The following TTC6 variants were observed in gnomAD, a reference collection of about 807,000 sequenced individuals.
TTC6 encodes tetratricopeptide repeat protein 6.
TTC6 carries 172 observed loss-of-function variants against 210.4 expected under a neutral mutation model. The observed-to-expected ratio is 0.82, with a 90% CI of 0.72 to 0.93. TTC6 has a LOEUF of 0.93. Ranked by LOEUF, TTC6 falls within the 40% of genes least tolerant of loss-of-function variation. TTC6 has a pLI of 0.00. For missense variants in TTC6, 2,414 were observed against 2,318.1 expected, an observed-to-expected ratio of 1.04 and a Z score of -0.85; for synonymous variants, 804 against 819.6, an observed-to-expected ratio of 0.98 and a Z score of 0.32.
At chr14:37,841,500 T>A (rs777817438) in exon 30 of TTC6, 59 of 1,597,802 alleles carry the variant, frequency 3.7e-5, no homozygotes, top group Middle Eastern at 3.3e-4. Flanking sequence ...GAATATGTTC[T>A]CATGAATCGA....
At chr14:37,670,445 TTCCTAAGGA>T (rs1291918178) in intron 1 of TTC6, among the ~76,000 whole-genome samples, 1 of 151,680 alleles carries the variant, frequency 6.6e-6, no homozygotes, top group African/African-American at 2.4e-5. Flanking sequence ...CTTTGCATTT[TTCCTAAGGA>T]TCTAGCACAA....
intron 1 of TTC6, among the ~76,000 whole-genome samples, chr14:37,649,559 A>G (rs1279774246): frequency 6.6e-6 from 1 of 152,166 alleles, no homozygotes; most frequent in Non-Finnish European, 1.5e-5. Context: ...TATTCTTTGT[A>G]TTCCACCTGG....
chr14:37,617,989 C>A (rs892434203), upstream of TTC6, among the ~76,000 whole-genome samples: 1 of 152,162 alleles, frequency 6.6e-6, no homozygotes, highest in Non-Finnish European at 1.5e-5. Flanking sequence ...TGGGCCCATT[C>A]CTAATGTAAT....
intron 1 of TTC6, among the ~76,000 whole-genome samples, chr14:37,633,859 C>T (rs1190997248): frequency 6.6e-6 from 1 of 152,150 alleles, no homozygotes; most frequent in Non-Finnish European, 1.5e-5. Context: ...TCCCACCATG[C>T]AGTAACAAGG....
intron 10 of TTC6, among the ~76,000 whole-genome samples, chr14:37,742,417 T>C (rs2095923146): frequency 6.6e-6 from 1 of 151,968 alleles, no homozygotes; most frequent in Non-Finnish European, 1.5e-5. Context: ...GTTTTGTTTT[T>C]TTTGTTTTTG....
chr14:37,827,426 T>C, intron 29 of TTC6, 60 bp downstream of exon 31: 1 of 1,510,390 alleles, frequency 6.6e-7, no homozygotes, highest in East Asian at 2.3e-5. Context: ...TTATTATATA[T>C]AGCTTCAAAG....
intron 1 of TTC6, among the ~76,000 whole-genome samples, chr14:37,648,324 A>T (rs188755549): frequency 6.6e-6 from 1 of 152,180 alleles, no homozygotes; most frequent in Non-Finnish European, 1.5e-5. Flanking sequence ...AAAAATGTTT[A>T]TCATGAATAA....
At chr14:37,825,956 C>T (rs139177357) in intron 27 of TTC6, among the ~76,000 whole-genome samples, 85 of 151,942 alleles carry the variant, frequency 5.6e-4, no homozygotes, top group Admixed American at 1.2e-3. Context: ...GGAGATGACT[C>T]GGAAGTTAAA....
chr14:37,785,961 G>A (rs889144371), intron 14 of TTC6, among the ~76,000 whole-genome samples: 3 of 152,178 alleles, frequency 2.0e-5, no homozygotes, highest in African/African-American at 7.2e-5. Flanking sequence ...AATGGCAAAT[G>A]TTGCTGCCTG....
At position 37,809,184 on chromosome 14, in the gene TTC6, G is replaced by A. The variant is rs117214020; in HGVS notation, c.4569+338G>A. Among the ~76,000 whole-genome samples the A allele has an allele frequency of 5.9e-4, 90 of 151,544 alleles. No homozygotes were observed. In the East Asian group the frequency reaches 0.017, roughly 29 times the overall value. On this transcript the variant is annotated intron_variant, in intron 24 of 30. Coordinates refer to ENST00000553443, the Ensembl canonical transcript of TTC6. ...ATAATGCTTATAGAAGTATTTAAAG[G>A]CATTTATAAATTAAATACATTACAT... is the stretch of plus-strand genomic sequence containing the variant.
chr14:37,658,841 G>A (rs1216275491), intron 1 of TTC6, among the ~76,000 whole-genome samples: 1 of 151,994 alleles, frequency 6.6e-6, no homozygotes, highest in African/African-American at 2.4e-5. Context: ...CACGTCATGG[G>A]GATTTGTTGT....
At chr14:37,780,108 C>G (rs575023914) in intron 14 of TTC6, among the ~76,000 whole-genome samples, 1 of 152,158 alleles carries the variant, frequency 6.6e-6, no homozygotes, top group African/African-American at 2.4e-5. Flanking sequence ...AAGGTTTATT[C>G]TGTAAAATTT....
intron 17 of TTC6, among the ~76,000 whole-genome samples, chr14:37,794,722 T>TATATTACCCTTTTATATTACCC (rs1460140152): frequency 6.6e-6 from 1 of 152,132 alleles, no homozygotes; most frequent in African/African-American, 2.4e-5. Flanking sequence ...TACCCTCCTT[T>TATATTACCCTTTTATATTACCC]GCATGCTACT....
intron 25 of TTC6, among the ~76,000 whole-genome samples, chr14:37,813,223 A>T (rs1482693486): frequency 1.3e-5 from 2 of 152,150 alleles, no homozygotes; most frequent in Non-Finnish European, 2.9e-5. Context: ...CTGTCCAAAT[A>T]ATCATTTACC....
chr14:37,796,667 A>T, intron 19 of TTC6, 120 bp from the exon 22 acceptor site: 4 of 915,908 alleles, frequency 4.4e-6, no homozygotes, highest in Non-Finnish European at 3.2e-6. Context: ...TAATTTTATA[A>T]TTTATTGATT....
At position 37,623,020 on chromosome 14, in the gene TTC6, A is replaced by C; in HGVS notation, c.939+17A>C. The C allele has an allele frequency of 6.9e-7, 1 of 1,440,284 alleles. No individual in the cohort carries two copies. Among genetic ancestry groups the C allele is most frequent in the Non-Finnish European group, 9.1e-7 (1 of 1,097,464 alleles). 89.2% of individuals were successfully genotyped at this position (1,440,284 alleles called of 1,614,324 possible). ...ACAATGGAAGTAGGTGAACCAAAAC[A>C]AGAGTAACATTTTTCCCAAATGCAA... On this transcript the variant is annotated intron_variant, in intron 1 of 30. Coordinates refer to ENST00000553443, the Ensembl canonical transcript of TTC6.
intron 5 of TTC6, among the ~76,000 whole-genome samples, chr14:37,710,721 C>G (rs2095843276): frequency 6.6e-6 from 1 of 152,092 alleles, no homozygotes; most frequent in Non-Finnish European, 1.5e-5. Flanking sequence ...GTTTTTTAAC[C>G]TCATTCCAAA....
At chr14:37,680,127 C>T in intron 1 of TTC6, 24 bp from the exon 4 acceptor site, 1 of 1,402,126 alleles carries the variant, frequency 7.1e-7, no homozygotes, top group Non-Finnish European at 9.6e-7. Flanking sequence ...ATTGGCATCA[C>T]TTTGTTTCCT....
chr14:37,723,870 G>A (rs953239421), intron 6 of TTC6, among the ~76,000 whole-genome samples: 4 of 152,130 alleles, frequency 2.6e-5, no homozygotes, highest in African/African-American at 9.7e-5. Flanking sequence ...TTAAAGGAGA[G>A]ATCACGCATA....
Sources: allele counts gnomAD v4.1 joint callset (sites outside exome capture counted in the v4.1 genomes callset), GRCh38; gene constraint gnomAD v4.1.1; transcripts MANE v1.5; gene names NCBI Gene and HGNC (gene_info 2026-07-23, HGNC 2026-07-21).